The following PLCE1 variants were observed in gnomAD, a reference collection of about 807,000 sequenced individuals.
PLCE1 encodes the protein 1-phosphatidylinositol 4,5-bisphosphate phosphodiesterase epsilon-1.
A neutral mutation model predicts 242.8 loss-of-function variants in PLCE1; 119 were observed. The ratio of observed to expected loss-of-function variants is 0.49; its 90% CI spans 0.42 to 0.57. The LOEUF is 0.57. Among genes scored for constraint, PLCE1 ranks in the 20% least tolerant of loss-of-function variants. The pLI, the probability that PLCE1 is intolerant of heterozygous loss-of-function variation, is 0.00. For missense variants in PLCE1, 2,441 were observed against 2,788.8 expected (o/e 0.88, Z 2.81); for synonymous variants, 945 against 1,017.4 (o/e 0.93, Z 1.35).
intron 1 of PLCE1, among the ~76,000 whole-genome samples, chr10:94,010,400 T>G (rs2061146499): frequency 6.6e-6 from 1 of 152,234 alleles, no homozygotes. Context: ...AAGGCCTTTT[T>G]CCTGTTGTCT....
chr10:94,246,210 G>T lies in PLCE1; in HGVS notation c.2685G>T (p.Lys895Asn), dbSNP rs756631887. The change falls in exon 8 of 33, where the codon AAG becomes AAT. Residue 895 changes from lysine to asparagine, a missense_variant. By Grantham distance (94) the Lys-to-Asn change is moderately conservative. Around this residue, in one of 5 missense-constraint regions of PLCE1, gnomAD observed 733 missense variants for 754.2 expected, o/e 0.97. Coordinates refer to ENST00000371380, the MANE Select transcript of PLCE1 (RefSeq NM_016341.4). ...ACAATAGCACCTTGACCTGGGTAAA[G>T]CCCACAACTGCCTCCCCAGCCAGCA... is the stretch of plus-strand genomic sequence containing the variant. ...QPDNSTLTWV[K>N]PTTASPASSK... is the part of the protein sequence containing the mutation. 3.3e-5 allele frequency: 53 copies of T among 1,613,992 alleles called. No homozygotes were observed. Among genetic ancestry groups the T allele is most frequent in the Non-Finnish European group, 4.2e-5 (49 of 1,180,022 alleles).
intron 17 of PLCE1, 114 bp from the exon 18 acceptor site, chr10:94,270,372 G>A: frequency 1.3e-6 from 1 of 786,432 alleles, no homozygotes; most frequent in South Asian, 1.4e-5. Flanking sequence ...AACCATCTTT[G>A]GCCAGAGTCT....
At chr10:94,197,887 G>C (rs1346624210) in intron 4 of PLCE1, among the ~76,000 whole-genome samples, 4 of 147,864 alleles carry the variant, frequency 2.7e-5, no homozygotes, top group Non-Finnish European at 5.9e-5. Context: ...GGAGGCTAAG[G>C]CAGGAGAATC....
At chr10:94,191,871 C>T (rs1590216392) in intron 4 of PLCE1, among the ~76,000 whole-genome samples, 1 of 152,172 alleles carries the variant, frequency 6.6e-6, no homozygotes, top group Non-Finnish European at 1.5e-5. Context: ...AGAAATTTCA[C>T]ACAGAGCCTG....
At chr10:94,320,658 G>A (rs1164737385) in intron 29 of PLCE1, among the ~76,000 whole-genome samples, 1 of 152,210 alleles carries the variant, frequency 6.6e-6, no homozygotes, top group Non-Finnish European at 1.5e-5. Flanking sequence ...CTCACTTGCT[G>A]AGATGAGGTT....
intron 4 of PLCE1, among the ~76,000 whole-genome samples, chr10:94,196,778 A>T (rs1159586473): frequency 1.3e-5 from 2 of 152,204 alleles, no homozygotes; most frequent in Admixed American, 6.5e-5. Context: ...TCTATACAAC[A>T]TATCTTTTTG....
chr10:94,135,767 T>C (rs534638356), intron 3 of PLCE1, among the ~76,000 whole-genome samples: 99 of 152,328 alleles, frequency 6.5e-4, no homozygotes, highest in African/African-American at 1.8e-3. Flanking sequence ...ACATTTCTTG[T>C]TGAGGGGCAA....
intron 2 of PLCE1, among the ~76,000 whole-genome samples, chr10:94,048,916 G>A (rs2043683718): frequency 1.3e-5 from 2 of 151,102 alleles, no homozygotes; most frequent in East Asian, 3.9e-4. Flanking sequence ...CTACAGGCAT[G>A]CATGCCTGGC....
At chr10:94,219,882 G>T (rs898654310) in intron 4 of PLCE1, among the ~76,000 whole-genome samples, 3 of 152,054 alleles carry the variant, frequency 2.0e-5, no homozygotes, top group Non-Finnish European at 4.4e-5. Flanking sequence ...ATGTAGTTTG[G>T]GGGTAAGGGG....
intron 1 of PLCE1, among the ~76,000 whole-genome samples, chr10:94,019,668 G>GAATTTAAAAATTCTACTTAATTTTACTT (rs2061343320): frequency 1.3e-5 from 2 of 152,146 alleles, no homozygotes; most frequent in African/African-American, 4.8e-5. Flanking sequence ...TGGAAGAACT[G>GAATTTAAAAATTCTACTTAATTTTACTT]AATTTAAAAA....
chr10:94,010,714 A>G (rs113426301), intron 1 of PLCE1, among the ~76,000 whole-genome samples: 204 of 152,300 alleles, frequency 1.3e-3, no homozygotes, highest in African/African-American at 4.8e-3. Context: ...CTTAAGTTCA[A>G]ACTTTCACAG....
chr10:94,185,429 G>A (rs551473808), intron 4 of PLCE1, among the ~76,000 whole-genome samples: 51 of 152,314 alleles, frequency 3.3e-4, no homozygotes, highest in African/African-American at 1.2e-3. Context: ...CCAGGAGGCA[G>A]AGGTTGCAGT....
At chr10:94,225,959 G>A (rs2049923797) in intron 4 of PLCE1, among the ~76,000 whole-genome samples, 1 of 152,186 alleles carries the variant, frequency 6.6e-6, no homozygotes, top group Non-Finnish European at 1.5e-5. Context: ...TTGCTGTCCA[G>A]GCTTCAGCAC....
chr10:94,063,195 C>T (rs1339748416), intron 2 of PLCE1, among the ~76,000 whole-genome samples: 2 of 152,214 alleles, frequency 1.3e-5, no homozygotes, highest in Non-Finnish European at 2.9e-5. Context: ...CTACTCTTTT[C>T]CTTTATGGTG....
intron 2 of PLCE1, among the ~76,000 whole-genome samples, chr10:94,062,327 T>A (rs1457093768): frequency 6.6e-6 from 1 of 152,122 alleles, no homozygotes; most frequent in Admixed American, 6.5e-5. Context: ...GTTGCCCAGA[T>A]TGGAGTGCAG....
In PLCE1 at chr10:94,329,452, T is replaced by C. The variant is rs1380590041; in HGVS notation, c.*1509T>C. Reference sequence around the variant, plus strand: ...AATTATAAAAATAAAACCATCCCCATGTGTTTCTTGCATATTCTAAAAACA... The same window carrying C: ...AATTATAAAAATAAAACCATCCCCACGTGTTTCTTGCATATTCTAAAAACA... On this transcript the variant is annotated 3_prime_UTR_variant, in exon 33 of 33. Coordinates refer to ENST00000371380, the MANE Select transcript of PLCE1 (RefSeq NM_016341.4). 2 of 152,172 alleles carry C rather than the reference T, an allele frequency of 1.3e-5. No individual in the cohort carries two copies. Among genetic ancestry groups the C allele is most frequent in the East Asian group, 1.9e-4 (1 of 5,200 alleles). 9.4% of individuals were successfully genotyped at this position (152,172 alleles called of 1,614,324 possible).
At chr10:94,053,226 A>G (rs1432662099) in intron 2 of PLCE1, among the ~76,000 whole-genome samples, 4 of 152,228 alleles carry the variant, frequency 2.6e-5, no homozygotes, top group Non-Finnish European at 5.9e-5. Context: ...TCTCACCTCT[A>G]TAATGAGAAT....
At chr10:94,192,381 G>C (rs1320420883) in intron 4 of PLCE1, among the ~76,000 whole-genome samples, 1 of 152,036 alleles carries the variant, frequency 6.6e-6, no homozygotes, top group Admixed American at 6.6e-5. Context: ...GTCTACTGTT[G>C]CCATCTTTAT....
intron 16 of PLCE1, 108 bp downstream of exon 16, chr10:94,266,066 T>A: frequency 2.0e-6 from 2 of 1,000,290 alleles, no homozygotes; most frequent in Non-Finnish European, 3.1e-6. Context: ...GCTTATAGAG[T>A]AAGCTATTAC....
Sources: allele counts gnomAD v4.1 joint callset (sites outside exome capture counted in the v4.1 genomes callset), GRCh38; gene constraint gnomAD v4.1.1; regional missense constraint gnomAD v4.1.1; transcripts MANE v1.5; gene names NCBI Gene and HGNC (gene_info 2026-07-23, HGNC 2026-07-21).